EYS: variants seen among roughly 807,000 people sequenced by gnomAD.
EYS encodes protein eyes shut homolog.
In EYS, 250 loss-of-function variants were observed where a neutral mutation model predicts 282.1. The ratio of observed to expected loss-of-function variants is 0.89; its 90% CI spans 0.80 to 0.98. The LOEUF (loss-of-function observed/expected upper bound fraction) is 0.98. Ranked by LOEUF, EYS falls within the 50% of genes least tolerant of loss-of-function variation. EYS has a pLI of 0.00. For missense variants in EYS, 4,016 were observed against 3,709.0 expected (o/e 1.08, Z -2.15); for synonymous variants, 1,355 against 1,282.9 (o/e 1.06, Z -1.20).
At chr6:64,485,650 A>G (rs1776560347) in intron 26 of EYS, among the ~76,000 whole-genome samples, 1 of 151,400 alleles carries the variant, frequency 6.6e-6, no homozygotes, top group South Asian at 2.1e-4. Flanking sequence ...CACTTAGAAA[A>G]TCCTCTCAAT....
chr6:65,329,564 C>G lies in EYS; in HGVS notation c.1766+5416G>C, dbSNP rs911414488. ...CAATATGACACTTTCATATGCAGTT[C>G]GATATCTTTTTTGCTTTAAAGGTAA... On this transcript the variant is annotated intron_variant, in intron 11 of 42. Transcript: ENST00000503581. 7.1e-6 allele frequency: 7 copies of G among 982,790 alleles called. No individual in the cohort carries two copies. The South Asian group carries it at 3.3e-4, about 46-fold the overall frequency. 60.9% of individuals were successfully genotyped at this position (982,790 alleles called of 1,614,324 possible).
chr6:64,213,282 T>TA (rs5876883), intron 31 of EYS, among the ~76,000 whole-genome samples: 47,398 of 151,836 alleles, frequency 0.31, 7,452 homozygotes, highest in East Asian at 0.5. Flanking sequence ...CAAATACATA[T>TA]AAAAAAACCT....
chr6:64,443,454 G>A (rs1459034579), intron 26 of EYS, among the ~76,000 whole-genome samples: 1 of 152,152 alleles, frequency 6.6e-6, no homozygotes, highest in African/African-American at 2.4e-5. Flanking sequence ...TATTGGGAAG[G>A]CACAATTGGT....
chr6:64,329,856 C>G (rs1033392466), intron 29 of EYS, among the ~76,000 whole-genome samples: 4 of 152,140 alleles, frequency 2.6e-5, no homozygotes, highest in Non-Finnish European at 4.4e-5. Flanking sequence ...ATATACAATG[C>G]TTGGGCGAAT....
At chr6:64,379,090 A>T (rs1205072646) in intron 29 of EYS, among the ~76,000 whole-genome samples, 1 of 152,098 alleles carries the variant, frequency 6.6e-6, no homozygotes, top group Non-Finnish European at 1.5e-5. Flanking sequence ...CTCTAAATTC[A>T]TGCTTCACAT....
Position 64,617,496 on chromosome 6 carries a change from G to A in EYS, c.3606C>T (p.Cys1202=), listed in dbSNP as rs1297699863. The change falls in exon 24 of 43, where the codon TGC becomes TGT. Residue 1202 remains cysteine (C), a synonymous_variant. Coordinates refer to ENST00000503581, the MANE Select transcript of EYS (RefSeq NM_001142800.2). ...GTTCATGAACACATGAGTTGGGAAT[G>A]CACTCAAGCTCATTCTCACAGTGGT... ...SGHHCENELE[C]IPNSCVHELC... is the part of the protein sequence containing the mutation. 6.4e-7 allele frequency: 1 copy of A among 1,550,678 alleles called. No individual in the cohort carries two copies. Among genetic ancestry groups the A allele is most frequent in the Admixed American group, 2.0e-5 (1 of 50,944 alleles).
At chr6:65,162,731 C>T (rs1322353505) in intron 12 of EYS, among the ~76,000 whole-genome samples, 2 of 150,468 alleles carry the variant, frequency 1.3e-5, no homozygotes, top group Middle Eastern at 3.2e-3. Context: ...TTATATTATT[C>T]TCATTGGTGT....
chr6:65,006,278 C>T (rs941667884), intron 13 of EYS, among the ~76,000 whole-genome samples: 62 of 151,676 alleles, frequency 4.1e-4, no homozygotes, highest in African/African-American at 1.4e-3. Context: ...AAAGTGTTCC[C>T]TATTCATTTA....
chr6:64,016,806 A>C (rs1768915277), intron 33 of EYS, among the ~76,000 whole-genome samples: 1 of 152,018 alleles, frequency 6.6e-6, no homozygotes, highest in African/African-American at 2.4e-5. Context: ...GGTATTGTAC[A>C]TTTCTTATTC....
intron 18 of EYS, among the ~76,000 whole-genome samples, chr6:64,891,623 C>T (rs146739555): frequency 1.3e-5 from 2 of 152,148 alleles, no homozygotes; most frequent in African/African-American, 2.4e-5. Context: ...CTATTACCTG[C>T]TGAGGGTCCC....
chr6:64,975,567 A>T (rs1196798218), intron 14 of EYS, among the ~76,000 whole-genome samples: 1 of 151,856 alleles, frequency 6.6e-6, no homozygotes, highest in Non-Finnish European at 1.5e-5. Flanking sequence ...TGAATAAATA[A>T]AGCCCTGAAG....
At chr6:64,652,561 G>A (rs1024032615) in intron 22 of EYS, among the ~76,000 whole-genome samples, 4 of 152,158 alleles carry the variant, frequency 2.6e-5, no homozygotes, top group African/African-American at 9.7e-5. Flanking sequence ...CAAACACTCT[G>A]ATTTTAGCCC....
intron 22 of EYS, among the ~76,000 whole-genome samples, chr6:64,744,063 T>C (rs1040877301): frequency 1.3e-5 from 2 of 152,158 alleles, no homozygotes; most frequent in African/African-American, 2.4e-5. Context: ...TGATGAAATA[T>C]GTGGCTTAAT....
rs1323719381 is a variant in EYS, at chr6:65,495,356, T to C, written c.55A>G (p.Ile19Val). The C allele has an allele frequency of 1.9e-6, 3 of 1,613,536 alleles. No individual in the cohort carries two copies. The South Asian group carries it at 3.3e-5, about 18-fold the overall frequency. The change falls in exon 4 of 43, where the codon ATA (isoleucine) becomes GTA (valine). Residue 19 changes from isoleucine to valine, a missense_variant. Transcript: ENST00000503581. ...TGCCGTCTACATGTTTTTCCATTTA[T>C]GAAAGAGCTGTGAAAAACCATCAGG... ...LSLMVFHSSF[I>V]NGKTCRRQLV... is the part of the protein sequence containing the mutation.
intron 35 of EYS, among the ~76,000 whole-genome samples, chr6:63,906,269 T>C (rs1053958860): frequency 6.6e-6 from 1 of 152,236 alleles, no homozygotes; most frequent in Admixed American, 6.5e-5. Context: ...ATATTTTTAG[T>C]CTACTGTACT....
At chr6:64,987,969 C>T (rs779254881) in intron 14 of EYS, among the ~76,000 whole-genome samples, 4 of 151,238 alleles carry the variant, frequency 2.6e-5, no homozygotes, top group Non-Finnish European at 4.4e-5. Flanking sequence ...TTATGTTTAA[C>T]ATGATATTTA....
chr6:65,561,772 T>G (rs1651523010), intron 2 of EYS, among the ~76,000 whole-genome samples: 1 of 151,990 alleles, frequency 6.6e-6, no homozygotes, highest in African/African-American at 2.4e-5. Flanking sequence ...TGAAAACCAC[T>G]ACTCTACTTC....
intron 1 of EYS, among the ~76,000 whole-genome samples, chr6:65,670,042 G>A (rs1768340534): frequency 6.6e-6 from 1 of 151,866 alleles, no homozygotes. Context: ...TAACCCATAT[G>A]CTACTCTTTC....
intron 2 of EYS, among the ~76,000 whole-genome samples, chr6:65,614,117 T>C (rs1355061396): frequency 2.6e-5 from 4 of 152,000 alleles, no homozygotes; most frequent in South Asian, 4.1e-4. Flanking sequence ...TTTTCCATTA[T>C]CTTTAGGTTT....
Sources: allele counts gnomAD v4.1 joint callset (sites outside exome capture counted in the v4.1 genomes callset), GRCh38; gene constraint gnomAD v4.1.1; transcripts MANE v1.5; gene names NCBI Gene and HGNC (gene_info 2026-07-23, HGNC 2026-07-21).